Variants in DNAH6 observed in about 807,000 individuals in gnomAD.
DNAH6 encodes axonemal beta dynein heavy chain 6.
DNAH6 carries 340 observed loss-of-function variants against 491.4 expected under a neutral mutation model. The ratio of observed to expected loss-of-function variants is 0.69; its 90% CI spans 0.63 to 0.76. The LOEUF (loss-of-function observed/expected upper bound fraction) is 0.76. Among genes scored for constraint, DNAH6 ranks in the 30% least tolerant of loss-of-function variants. DNAH6 has a pLI of 0.00. For missense variants in DNAH6, 4,443 were observed against 4,972.2 expected, an observed-to-expected ratio of 0.89 and a Z score of 3.20; for synonymous variants, 1,603 against 1,686.1, an observed-to-expected ratio of 0.95 and a Z score of 1.21.
chr2:84,588,956 T>A lies in DNAH6; in HGVS notation c.2610+2T>A. ...AAGTCCTATCAGAAGAATTTTAAGG[T>A]AATGACAGTTTTACACCATCTGTCT... On this transcript the variant is annotated splice_donor_variant, in intron 16 of 76. Transcript: ENST00000389394. LOFTEE classifies it high-confidence loss of function. 6.5e-7 allele frequency: 1 copy of A among 1,543,466 alleles called. No individual in the cohort carries two copies. The highest frequency in any genetic ancestry group is 8.7e-7 in the Non-Finnish European group (1 of 1,144,572).
chr2:84,699,050 A>G (rs1695639485), intron 47 of DNAH6, among the ~76,000 whole-genome samples: 2 of 152,354 alleles, frequency 1.3e-5, no homozygotes, highest in East Asian at 3.9e-4. Flanking sequence ...AGGAGGGATG[A>G]AAGGGTTGAA....
intron 60 of DNAH6, among the ~76,000 whole-genome samples, chr2:84,726,705 A>G (rs1698668601): frequency 1.3e-5 from 2 of 152,186 alleles, no homozygotes; most frequent in Admixed American, 1.3e-4. Flanking sequence ...GCACACCAAC[A>G]TGGCACATGT....
chr2:84,667,171 T>C (rs1299670102), intron 37 of DNAH6, among the ~76,000 whole-genome samples: 2 of 152,042 alleles, frequency 1.3e-5, no homozygotes, highest in African/African-American at 2.4e-5. Context: ...GCAATACCAT[T>C]CAGGACATAG....
At chr2:84,555,451 T>C (rs1338760661) in intron 10 of DNAH6, among the ~76,000 whole-genome samples, 2 of 152,186 alleles carry the variant, frequency 1.3e-5, no homozygotes, top group African/African-American at 4.8e-5. Context: ...GCCTCTTTTT[T>C]ATCTGATCCT....
Position 84,707,108 on chromosome 2 carries a change from A to G in DNAH6, c.8851+89A>G, listed in dbSNP as rs1696539772. On this transcript the variant is annotated intron_variant, in intron 53 of 76. Coordinates refer to ENST00000389394, the MANE Select transcript of DNAH6 (RefSeq NM_001370.2). ...TTTTGGCAATCAGGTTTCAGCTTTT[A>G]TCCAATGTGTAGAATGTATTTTCAT... The G allele has an allele frequency of 2.2e-6, 3 of 1,376,094 alleles. No individual in the cohort carries two copies. The South Asian group carries it at 4.8e-5, about 22-fold the overall frequency. The allele number at this position is 1,376,094 out of a possible 1,614,324, so 85.2% of individuals were successfully genotyped here. A position where few individuals can be genotyped will look rare whatever the true frequency, so the allele number is the denominator to read the frequency against.
chr2:84,669,643 T>C, intron 38 of DNAH6, 133 bp downstream of exon 38: 1 of 775,196 alleles, frequency 1.3e-6, no homozygotes, highest in East Asian at 2.7e-5. Context: ...GCAGGAAGAA[T>C]ATTATGCTGA....
Position 84,616,962 on chromosome 2 carries a change from A to G in DNAH6, c.3552A>G (p.Ser1184=). The G allele has an allele frequency of 6.7e-7, 1 of 1,493,754 alleles. No individual in the cohort carries two copies. The highest frequency in any genetic ancestry group is 8.9e-7 in the Non-Finnish European group (1 of 1,123,204). 92.5% of individuals were successfully genotyped at this position (1,493,754 alleles called of 1,614,324 possible). A position where few individuals can be genotyped will look rare whatever the true frequency, so the allele number is the denominator to read the frequency against. The change falls in exon 23 of 77, where the codon TCA becomes TCG. Residue 1184 remains serine (S), a synonymous_variant. Coordinates refer to ENST00000389394, the MANE Select transcript of DNAH6 (RefSeq NM_001370.2). ...AGTGCCTAGAGGCATACTTAGAATC[A>G]AAAAGAGTTATCTTTCCAAGGTAAG... is the stretch of plus-strand genomic sequence containing the variant. The part of the protein sequence containing the change: ...IQKCLEAYLE[S]KRVIFPRFYF...
At chr2:84,622,922 T>C (rs1406680643) in intron 26 of DNAH6, among the ~76,000 whole-genome samples, 1 of 152,164 alleles carries the variant, frequency 6.6e-6, no homozygotes, top group Non-Finnish European at 1.5e-5. Flanking sequence ...ATTTCCCTTA[T>C]GATTAGTGAT....
At position 84,567,829 on chromosome 2, in the gene DNAH6, A is replaced by G. The variant is rs535905002; in HGVS notation, c.1804-5638A>G. 3.3e-5 allele frequency among the ~76,000 whole-genome samples: 5 copies of G among 152,200 alleles called. No homozygotes were observed. In the South Asian group the frequency reaches 1.0e-3, roughly 32 times the overall value. On this transcript the variant is annotated intron_variant, in intron 11 of 76. Coordinates refer to ENST00000389394, the MANE Select transcript of DNAH6 (RefSeq NM_001370.2). ...AATTAAACTAAAGAGCTTCTGCACA[A>G]CAAAAGAAACTATCATCAGACTGAA...
chr2:84,577,711 T>G (rs1443859043), intron 13 of DNAH6, among the ~76,000 whole-genome samples: 1 of 152,038 alleles, frequency 6.6e-6, no homozygotes, highest in East Asian at 1.9e-4. Flanking sequence ...CAGCTCAATA[T>G]CCTAGAGGGA....
At position 84,544,291 on chromosome 2, in the gene DNAH6, G is replaced by T. The variant is rs1413352309; in HGVS notation, c.721G>T (p.Val241Leu). 6 of 1,525,386 alleles carry T rather than the reference G, an allele frequency of 3.9e-6. No homozygotes were observed. The highest frequency in any genetic ancestry group is 4.5e-6 in the Non-Finnish European group (5 of 1,123,396). The allele number at this position is 1,525,386 out of a possible 1,614,324, so 94.5% of individuals were successfully genotyped here. Residue 241 changes from valine to leucine, a missense_variant, in exon 5 of 77, where the codon GTA becomes TTA. Transcript: ENST00000389394. ...CTACTATACTATTAGCCAAAGGGCA[G>T]TAACACACATTTATAATGAAGACAT... ...NDYYTISQRAVTHIYNEDIEF... is the reference protein window; with the variant it reads ...NDYYTISQRALTHIYNEDIEF...
rs1196197841 is a variant in DNAH6 at position 84,762,858 on chromosome 2, A to G, written c.10616A>G (p.Asn3539Ser). ...ACCCTGTATCAAGACATGTCATGCA[A>G]CACTCCCCTGGTATTCATCCTAAGC... is the stretch of plus-strand genomic sequence containing the variant. ...LPTLYQDMSC[N>S]TPLVFILSTG... Residue 3539 changes from asparagine (N) to serine (S), a missense_variant, in exon 64 of 77, where the codon AAC (asparagine) becomes AGC (serine). Asn to Ser is a conservative substitution (Grantham distance 46, BLOSUM62 1). Coordinates refer to ENST00000389394, the MANE Select transcript of DNAH6 (RefSeq NM_001370.2). The G allele has an allele frequency of 6.4e-7, 1 of 1,551,348 alleles. No homozygotes were observed. The highest frequency in any genetic ancestry group is 2.0e-5 in the Admixed American group (1 of 50,950).
intron 75 of DNAH6, among the ~76,000 whole-genome samples, chr2:84,814,358 G>A (rs1680288961): frequency 6.6e-6 from 1 of 152,010 alleles, no homozygotes; most frequent in South Asian, 2.1e-4. Flanking sequence ...TTATTTTTTA[G>A]CTACCTTTAG....
intron 29 of DNAH6, among the ~76,000 whole-genome samples, chr2:84,633,109 C>T (rs900188345): frequency 6.6e-6 from 1 of 152,142 alleles, no homozygotes; most frequent in African/African-American, 2.4e-5. Flanking sequence ...ACGGAGCAGC[C>T]AGTAAGTGAG....
chr2:84,758,002 T>G (rs550826578), intron 63 of DNAH6, among the ~76,000 whole-genome samples: 2 of 152,358 alleles, frequency 1.3e-5, no homozygotes, highest in East Asian at 3.9e-4. Flanking sequence ...GGGTATGTTT[T>G]ATGCACATTT....
chr2:84,519,282 A>G (rs1324141731), intron 2 of DNAH6, among the ~76,000 whole-genome samples: 2 of 151,924 alleles, frequency 1.3e-5, no homozygotes, highest in Non-Finnish European at 2.9e-5. Context: ...CTCTGCCTAA[A>G]TTACAGAATT....
At chr2:84,510,771 C>G in the DNAH6 span, among the ~76,000 whole-genome samples, 7 of 152,026 alleles carry the variant, frequency 4.6e-5, no homozygotes, top group Admixed American at 2.0e-4. Flanking sequence ...GTCCTTTCTG[C>G]TTGTTAGTTT....
In DNAH6 at chr2:84,619,665, A is replaced by G. The variant is rs1687216301; in HGVS notation, c.3573-20A>G. On this transcript the variant is annotated intron_variant, in intron 23 of 76. Coordinates refer to ENST00000389394, the MANE Select transcript of DNAH6 (RefSeq NM_001370.2). ...TTACTTCCATTTCAAGTTATATTTT[A>G]AGGATGTTCTTTAATCCAGGTTTTA... 6.5e-7 allele frequency: 1 copy of G among 1,539,812 alleles called. No individual in the cohort carries two copies.
At position 84,529,013 on chromosome 2, in the gene DNAH6, A is replaced by G. The variant is rs1676891438; in HGVS notation, c.509A>G (p.Tyr170Cys). 1 of 1,551,414 alleles carries G rather than the reference A, an allele frequency of 6.4e-7. No individual in the cohort carries two copies. The highest frequency in any genetic ancestry group is 2.0e-5 in the Admixed American group (1 of 50,986). The stretch of plus-strand genomic sequence containing the variant: ...ACTAGATCTTCAGCTTACCCTAAGT[A>G]CACTTTTCACGACCGAGAAGAAGTT... ...FGTRSSAYPKYTFHDREEVVK... is the reference protein window; with the variant it reads ...FGTRSSAYPKCTFHDREEVVK... Residue 170 changes from tyrosine to cysteine, a missense_variant, in exon 4 of 77, where the codon TAC becomes TGC. Tyr to Cys is a radical substitution (Grantham distance 194). Around this residue, in one of 3 missense-constraint regions of DNAH6, gnomAD observed 2,977 missense variants for 3,296.6 expected, o/e 0.90. Coordinates refer to ENST00000389394, the MANE Select transcript of DNAH6 (RefSeq NM_001370.2).
Sources: gnomAD v4.1 joint callset for allele counts (sites outside exome capture counted in the v4.1 genomes callset) on GRCh38, gnomAD v4.1.1 for gene constraint, gnomAD v4.1.1 regional missense constraint, MANE v1.5 for transcripts, NCBI Gene and HGNC (gene_info 2026-07-23, HGNC 2026-07-21) for gene names.